FOCAD: variants seen among roughly 807,000 people sequenced by gnomAD.
The protein encoded by FOCAD is focadhesin.
FOCAD carries 198 observed loss-of-function variants against 225.6 expected under a neutral mutation model. That is an observed-to-expected ratio of 0.88 (90% CI 0.78 to 0.99). The LOEUF is 0.99. FOCAD is among the 50% of genes least tolerant of loss of function. The probability of loss-of-function intolerance (pLI) is 0.00; values close to 1 mark genes in which losing one functional copy is unlikely to be tolerated. For synonymous variants in FOCAD, 897 were observed against 755.0 expected, an observed-to-expected ratio of 1.19 and a Z score of -3.08; for missense variants, 2,713 against 2,123.6, an observed-to-expected ratio of 1.28 and a Z score of -5.46.
chr9:20,718,796 C>T (rs952127083), intron 3 of FOCAD, among the ~76,000 whole-genome samples: 1 of 152,148 alleles, frequency 6.6e-6, no homozygotes, highest in Admixed American at 6.5e-5. Context: ...ACTGTTTCCT[C>T]TTCTACTAAA....
chr9:20,918,924 C>T (rs1347066606), intron 24 of FOCAD, among the ~76,000 whole-genome samples: 1 of 152,208 alleles, frequency 6.6e-6, no homozygotes, highest in Non-Finnish European at 1.5e-5. Flanking sequence ...GAGGCCTTCA[C>T]CACTGCCCGC....
intron 35 of FOCAD, among the ~76,000 whole-genome samples, chr9:20,963,327 G>A (rs148408780): frequency 6.6e-6 from 1 of 152,258 alleles, no homozygotes; most frequent in Non-Finnish European, 1.5e-5. Flanking sequence ...TGCAGTACTG[G>A]TGAAAGTTGT....
chr9:20,838,026 T>A (rs895783490), intron 15 of FOCAD, among the ~76,000 whole-genome samples: 2 of 152,166 alleles, frequency 1.3e-5, no homozygotes, highest in Non-Finnish European at 2.9e-5. Flanking sequence ...TTCATAGTTA[T>A]ATAATTTATC....
chr9:20,805,364 A>G (rs1455609764), intron 11 of FOCAD, among the ~76,000 whole-genome samples: 1 of 152,176 alleles, frequency 6.6e-6, no homozygotes, highest in Non-Finnish European at 1.5e-5. Flanking sequence ...CCAATGGATT[A>G]TATTCATTAT....
In FOCAD at chr9:20,751,985, G is replaced by A. The variant is rs377616059; in HGVS notation, c.393-6105G>A. ...TGAGAAGTGTCTGTTCATGTCCTTC[G>A]CCCACTTTTTGATGGGGTTGTTTGT... On this transcript the variant is annotated intron_variant, in intron 5 of 43. Transcript: ENST00000338382. Among the ~76,000 whole-genome samples the A allele has an allele frequency of 3.9e-4, 55 of 142,816 alleles. 1 individual carries two copies. The highest frequency in any genetic ancestry group is 8.4e-4 in the African/African-American group (33 of 39,354). The allele number at this position is 142,816 out of a possible 152,430, so 93.7% of individuals were successfully genotyped here. A position where few individuals can be genotyped will look rare whatever the true frequency, so the allele number is the denominator to read the frequency against.
intron 34 of FOCAD, among the ~76,000 whole-genome samples, chr9:20,952,261 T>C (rs1022596675): frequency 6.6e-6 from 1 of 152,206 alleles, no homozygotes; most frequent in Non-Finnish European, 1.5e-5. Flanking sequence ...TGAATCATCT[T>C]ATACCCAGGT....
intron 4 of FOCAD, among the ~76,000 whole-genome samples, chr9:20,731,614 T>G (rs1489945349): frequency 6.6e-6 from 1 of 152,124 alleles, no homozygotes; most frequent in South Asian, 2.1e-4. Flanking sequence ...TAATTAAACA[T>G]ATATTTATAT....
chr9:20,700,969 T>A (rs998808070), intron 1 of FOCAD, among the ~76,000 whole-genome samples: 1 of 152,186 alleles, frequency 6.6e-6, no homozygotes, highest in Non-Finnish European at 1.5e-5. Context: ...GTGGGGACCC[T>A]TCCCACTTCT....
chr9:20,800,652 C>T (rs944166608), intron 11 of FOCAD, among the ~76,000 whole-genome samples: 3 of 152,152 alleles, frequency 2.0e-5, no homozygotes, highest in Non-Finnish European at 2.9e-5. Context: ...GCTACTGAGG[C>T]TTGTGCATTC....
chr9:20,968,586 C>T (rs914293443), intron 35 of FOCAD, among the ~76,000 whole-genome samples: 9 of 151,516 alleles, frequency 5.9e-5, no homozygotes, highest in South Asian at 2.1e-4. Context: ...GGATTACAGG[C>T]GTCTGCCACC....
chr9:20,749,422 G>A (rs1433547595), intron 5 of FOCAD, among the ~76,000 whole-genome samples: 1 of 152,028 alleles, frequency 6.6e-6, no homozygotes, highest in Non-Finnish European at 1.5e-5. Flanking sequence ...CACAATTATT[G>A]TTTAGTTTTT....
At chr9:20,787,015 T>G in intron 10 of FOCAD, 1 of 460,032 alleles carries the variant, frequency 2.2e-6, no homozygotes, top group Admixed American at 2.1e-5. Flanking sequence ...ATCCTTGCCC[T>G]GGGACTGTGC....
intron 7 of FOCAD, among the ~76,000 whole-genome samples, chr9:20,768,760 A>T (rs1001224792): frequency 6.6e-6 from 1 of 152,110 alleles, no homozygotes; most frequent in African/African-American, 2.4e-5. Context: ...TTCTCCTTCC[A>T]GTTGCTCTTT....
chr9:20,938,798 A>G (rs139537396), intron 28 of FOCAD, among the ~76,000 whole-genome samples: 212 of 152,210 alleles, frequency 1.4e-3, no homozygotes, highest in African/African-American at 4.7e-3. Flanking sequence ...TTCATTATAT[A>G]TTATGTACAT....
chr9:20,972,239 C>T (rs1025357116), intron 35 of FOCAD, among the ~76,000 whole-genome samples: 5 of 152,082 alleles, frequency 3.3e-5, no homozygotes, highest in African/African-American at 1.2e-4. Flanking sequence ...TATAATCCTA[C>T]CAAGTGTACA....
chr9:20,909,231 A>G (rs933709836), intron 22 of FOCAD, among the ~76,000 whole-genome samples: 4 of 152,102 alleles, frequency 2.6e-5, no homozygotes, highest in Non-Finnish European at 5.9e-5. Flanking sequence ...CAATTAATCT[A>G]TACAGAAACC....
At chr9:20,900,687 C>T (rs990080078) in intron 21 of FOCAD, among the ~76,000 whole-genome samples, 2 of 151,846 alleles carry the variant, frequency 1.3e-5, no homozygotes, top group Admixed American at 6.6e-5. Context: ...TTACACATTT[C>T]CCCTAGAAAA....
chr9:20,753,371 G>T lies in FOCAD; in HGVS notation c.393-4719G>T, dbSNP rs1029306540. On this transcript the variant is annotated intron_variant, in intron 5 of 43. Transcript: ENST00000338382. The stretch of plus-strand genomic sequence containing the variant: ...TTTATTGAGAGTTTTTAGCATGAAG[G>T]GTTGTTGAATTTTGTCAAAGGCCTT... 5.3e-5 allele frequency among the ~76,000 whole-genome samples: 8 copies of T among 151,386 alleles called. No homozygotes were observed. The South Asian group carries it at 8.4e-4, about 16-fold the overall frequency.
chr9:20,916,668 T>C (rs1184299038), intron 23 of FOCAD, among the ~76,000 whole-genome samples: 1 of 152,180 alleles, frequency 6.6e-6, no homozygotes, highest in African/African-American at 2.4e-5. Flanking sequence ...CAGTTACATA[T>C]TCACCTCCTC....
Sources: gnomAD v4.1 joint callset for allele counts (sites outside exome capture counted in the v4.1 genomes callset) on GRCh38, gnomAD v4.1.1 for gene constraint, MANE v1.5 for transcripts, NCBI Gene and HGNC (gene_info 2026-07-23, HGNC 2026-07-21) for gene names.